LAMP5: variants seen among roughly 807,000 people sequenced by gnomAD.
LAMP5 encodes lysosome associated membrane protein 5.
In LAMP5, 36 loss-of-function variants were observed where a neutral mutation model predicts 30.2. The observed-to-expected ratio is 1.19, with a 90% CI of 0.91 to 1.57. LAMP5 has a LOEUF of 1.57. Ranked by LOEUF, LAMP5 falls within the 40% of genes most tolerant of loss-of-function variation. LAMP5 has a pLI of 0.00. For synonymous variants in LAMP5, 149 were observed against 134.6 expected (o/e 1.11, Z -0.74); for missense variants, 377 against 354.9 (o/e 1.06, Z -0.50).
chr20:9,520,436 G>A (rs1239356725), intron 5 of LAMP5, among the ~76,000 whole-genome samples: 5 of 152,104 alleles, frequency 3.3e-5, no homozygotes, highest in South Asian at 2.1e-4. Context: ...GTGCCTTTTC[G>A]GGATCTATCA....
chr20:9,514,630 T>G lies in LAMP5; in HGVS notation c.-223T>G. The G allele has an allele frequency of 1.2e-4, 50 of 425,010 alleles. No individual in the cohort carries two copies. The highest frequency in any genetic ancestry group is 1.5e-3 in the Middle Eastern group (2 of 1,318). 26.3% of individuals were successfully genotyped at this position (425,010 alleles called of 1,614,324 possible). ...CTCGCAGCCGTGGACCGCCGTGCGG[T>G]CCTTTCCTCCGCAGTGAGCCGATTT... On this transcript the variant is annotated 5_prime_UTR_variant, in exon 1 of 6. Coordinates refer to ENST00000246070, the MANE Select transcript of LAMP5 (RefSeq NM_012261.4).
Position 9,515,635 on chromosome 20 carries a change from C to CA in LAMP5, c.237+10_237+11insA. The CA allele has an allele frequency of 1.2e-6, 2 of 1,606,950 alleles. No homozygotes were observed. The highest frequency in any genetic ancestry group is 1.7e-6 in the Non-Finnish European group (2 of 1,176,902). On this transcript the variant is annotated intron_variant, in intron 2 of 5. Coordinates refer to ENST00000246070, the MANE Select transcript of LAMP5 (RefSeq NM_012261.4). ...CAGCAACTACGTAGATGTAAGGAAT[C>CA]TTTCCCCCCCCTCAGCTTGCTCCTA... is the stretch of plus-strand genomic sequence containing the variant.
rs1199409066 is a variant in LAMP5, at chr20:9,515,559, T to C, written c.171T>C (p.Cys57=). 6.2e-7 allele frequency: 1 copy of C among 1,614,068 alleles called. No homozygotes were observed. The highest frequency in any genetic ancestry group is 8.5e-7 in the Non-Finnish European group (1 of 1,180,034). ...IFVVRENGTT[C]LMAEFAAKFI... ...TGGTGCGGGAAAATGGGACGACGTG[T>C]CTCATGGCAGAGTTTGCAGCCAAAT... Residue 57 remains cysteine (C), a synonymous_variant, in exon 2 of 6, where the codon TGT becomes TGC. Transcript: ENST00000246070.
rs377563003 is a variant in LAMP5 at position 9,518,692 on chromosome 20, A to G, written c.664+464A>G. ...GTATTTAAGACGTTAGTTAATCTAG[A>G]GAGCTACAGATGGGGGAAAGGGCCT... On this transcript the variant is annotated intron_variant, in intron 5 of 5. Coordinates refer to ENST00000246070, the MANE Select transcript of LAMP5 (RefSeq NM_012261.4). Among the ~76,000 whole-genome samples the G allele has an allele frequency of 3.9e-5, 6 of 152,278 alleles. No individual in the cohort carries two copies. In the East Asian group the frequency reaches 9.6e-4, roughly 24 times the overall value.
At chr20:9,524,764 T>C (rs1195794940) in intron 5 of LAMP5, among the ~76,000 whole-genome samples, 1 of 152,188 alleles carries the variant, frequency 6.6e-6, no homozygotes, top group Non-Finnish European at 1.5e-5. Flanking sequence ...TTAATATATC[T>C]GTTTCCTGCG....
chr20:9,522,818 A>G (rs1162389611), intron 5 of LAMP5, among the ~76,000 whole-genome samples: 1 of 152,196 alleles, frequency 6.6e-6, no homozygotes, highest in African/African-American at 2.4e-5. Context: ...TGTGTCCACT[A>G]CACCTAGGTA....
At position 9,518,066 on chromosome 20, in the gene LAMP5, C is replaced by T. The variant is rs373923121; in HGVS notation, c.502C>T (p.His168Tyr). Residue 168 changes from histidine to tyrosine, a missense_variant, in exon 5 of 6, where the codon CAC becomes TAC. By Grantham distance (83) the His-to-Tyr change is moderately conservative (BLOSUM62 2). Coordinates refer to ENST00000246070, the MANE Select transcript of LAMP5 (RefSeq NM_012261.4). ...SAGKHTANSHHLSALVTPAGK... is the reference protein window; with the variant it reads ...SAGKHTANSHYLSALVTPAGK... ...TGGGAAGCACACAGCCAACTCGCAC[C>T]ACCTCTCTGCCTTGGTCACCCCCGC... The T allele has an allele frequency of 1.1e-5, 17 of 1,613,854 alleles. No individual in the cohort carries two copies. Among genetic ancestry groups the T allele is most frequent in the Non-Finnish European group, 1.4e-5 (16 of 1,180,018 alleles).
At chr20:9,515,077 G>A in intron 1 of LAMP5, 161 bp downstream of exon 1, 2 of 681,146 alleles carry the variant, frequency 2.9e-6, no homozygotes, top group Non-Finnish European at 5.1e-6. Flanking sequence ...GGCCTTCCTC[G>A]CCGGTGGCAG....
intron 5 of LAMP5, among the ~76,000 whole-genome samples, chr20:9,526,534 T>A (rs1439036225): frequency 6.6e-6 from 1 of 152,180 alleles, no homozygotes; most frequent in East Asian, 1.9e-4. Context: ...GCTGGCATCA[T>A]GAAGTTCTAG....
Position 9,530,494 on chromosome 20 carries a change from CA to C in LAMP5, c.*678del, listed in dbSNP as rs1266057064. 3.9e-5 allele frequency: 6 copies of C among 152,516 alleles called. No homozygotes were observed. The highest frequency in any genetic ancestry group is 3.3e-4 in the Admixed American group (5 of 15,270). 9.4% of individuals were successfully genotyped at this position (152,516 alleles called of 1,614,324 possible). On this transcript the variant is annotated 3_prime_UTR_variant, in exon 6 of 6. Transcript: ENST00000246070. ...AATCAATCTGTGTGAGTCTGTTTTT[CA>C]AAATGAAATAAAACACACTATTCTC...
At chr20:9,527,134 C>T (rs953274530) in intron 5 of LAMP5, among the ~76,000 whole-genome samples, 1 of 151,986 alleles carries the variant, frequency 6.6e-6, no homozygotes, top group Non-Finnish European at 1.5e-5. Context: ...GGAAACCGAA[C>T]TGACAAATCC....
intron 5 of LAMP5, among the ~76,000 whole-genome samples, chr20:9,522,972 CTTTTTT>C (rs60017722): frequency 9.6e-6 from 1 of 104,184 alleles, no homozygotes; most frequent in African/African-American, 4.3e-5. Flanking sequence ...ATACTTAAAT[CTTTTTT>C]TTTTTTTTTT....
Position 9,514,848 on chromosome 20 carries a change from C to A in LAMP5, c.-5C>A, listed in dbSNP as rs764478501. The A allele has an allele frequency of 3.1e-6, 5 of 1,613,906 alleles. No homozygotes were observed. The highest frequency in any genetic ancestry group is 1.7e-5 in the Admixed American group (1 of 59,996). ...ACAGCCGGCCTCATTCGGGGCACTGCGAGTATGGATCTCCAAGGAAGAGGG... is the reference window on the plus strand; with the variant it reads ...ACAGCCGGCCTCATTCGGGGCACTGAGAGTATGGATCTCCAAGGAAGAGGG... On this transcript the variant is annotated 5_prime_UTR_variant, in exon 1 of 6. Transcript: ENST00000246070.
At chr20:9,518,314 AC>A (rs1288379670) in intron 5 of LAMP5, 86 bp downstream of exon 5, 22 of 1,202,966 alleles carry the variant, frequency 1.8e-5, no homozygotes, top group Non-Finnish European at 2.6e-5. Context: ...CCAGGATGTT[AC>A]CACTTGGATT....
rs1338528304 is a variant in LAMP5, at chr20:9,530,230, C to T, written c.*410C>T. On this transcript the variant is annotated 3_prime_UTR_variant, in exon 6 of 6. Transcript: ENST00000246070. Reference sequence around the variant, plus strand: ...ATGGGGTGCTTTGCTCCCTTGGACACAGCTGGCTTATCCTATACAGTTGTC... The same window carrying T: ...ATGGGGTGCTTTGCTCCCTTGGACATAGCTGGCTTATCCTATACAGTTGTC... 5.8e-6 allele frequency: 1 copy of T among 172,578 alleles called. No individual in the cohort carries two copies. The highest frequency in any genetic ancestry group is 2.4e-5 in the African/African-American group (1 of 42,544). 10.7% of individuals were successfully genotyped at this position (172,578 alleles called of 1,614,324 possible).
At chr20:9,516,958 T>C (rs2045045059) in intron 4 of LAMP5, among the ~76,000 whole-genome samples, 2 of 152,176 alleles carry the variant, frequency 1.3e-5, no homozygotes, top group Non-Finnish European at 2.9e-5. Flanking sequence ...CGAGCGTTCA[T>C]CCCCCAAATA....
At chr20:9,524,614 A>C (rs1453627288) in intron 5 of LAMP5, among the ~76,000 whole-genome samples, 2 of 142,620 alleles carry the variant, frequency 1.4e-5, no homozygotes, top group Non-Finnish European at 3.0e-5. Flanking sequence ...AAAAAAAAAA[A>C]AACAAACAAA....
chr20:9,516,148 CG>C lies in LAMP5; in HGVS notation c.369+20del, dbSNP rs1568942504. On this transcript the variant is annotated intron_variant, in intron 3 of 5. Coordinates refer to ENST00000246070, the MANE Select transcript of LAMP5 (RefSeq NM_012261.4). Reference sequence around the variant, plus strand: ...TTTGTAAAGGTAACTCCGAGCCCAGCGGGCAGAGGGGCCGCAGGCTCCGCGT... The same window carrying C: ...TTTGTAAAGGTAACTCCGAGCCCAGCGGCAGAGGGGCCGCAGGCTCCGCGT... 6.3e-7 allele frequency: 1 copy of C among 1,575,078 alleles called. No homozygotes were observed. The highest frequency in any genetic ancestry group is 1.9e-5 in the Admixed American group (1 of 53,204).
At position 9,514,934 on chromosome 20, in the gene LAMP5, G is replaced by C; in HGVS notation, c.64+18G>C. ...GTTGTTCCGTGAGTAGCGATTTGGC[G>C]ACTGGGAGAGAGGACGGGCACTCTT... On this transcript the variant is annotated intron_variant, in intron 1 of 5. Coordinates refer to ENST00000246070, the MANE Select transcript of LAMP5 (RefSeq NM_012261.4). 1.2e-6 allele frequency: 2 copies of C among 1,611,978 alleles called. No individual in the cohort carries two copies. The highest frequency in any genetic ancestry group is 8.5e-7 in the Non-Finnish European group (1 of 1,178,040).
Sources: allele counts gnomAD v4.1 joint callset (sites outside exome capture counted in the v4.1 genomes callset), GRCh38; gene constraint gnomAD v4.1.1; transcripts MANE v1.5; gene names NCBI Gene and HGNC (gene_info 2026-07-23, HGNC 2026-07-21).